The following KAZN variants were observed in gnomAD, a reference collection of about 807,000 sequenced individuals.
KAZN encodes the protein kazrin, periplakin interacting protein.
In KAZN, 40 loss-of-function variants were observed where a neutral mutation model predicts 87.4. The ratio of observed to expected loss-of-function variants is 0.46; its 90% CI spans 0.36 to 0.60. The LOEUF (loss-of-function observed/expected upper bound fraction) is 0.60. KAZN is among the 20% of genes least tolerant of loss of function. The pLI is 0.00. For missense variants in KAZN, 898 were observed against 1,073.9 expected, an observed-to-expected ratio of 0.84 and a Z score of 2.29; for synonymous variants, 466 against 458.3, an observed-to-expected ratio of 1.02 and a Z score of -0.22.
intron 1 of KAZN, among the ~76,000 whole-genome samples, chr1:14,110,468 G>T (rs1434435624): frequency 6.6e-6 from 1 of 152,108 alleles, no homozygotes; most frequent in Non-Finnish European, 1.5e-5. Flanking sequence ...CGCCTGTATG[G>T]GTGTGACCCA....
chr1:14,149,785 A>G (rs911672917), intron 1 of KAZN, among the ~76,000 whole-genome samples: 1 of 152,200 alleles, frequency 6.6e-6, no homozygotes, highest in Non-Finnish European at 1.5e-5. Flanking sequence ...GATTTTTTTA[A>G]AAGCCTAATT....
intron 1 of KAZN, among the ~76,000 whole-genome samples, chr1:14,112,973 G>C (rs1644532328): frequency 6.6e-6 from 1 of 152,198 alleles, no homozygotes; most frequent in African/African-American, 2.4e-5. Context: ...TGCATCCCTG[G>C]CTTTGATGGG....
At chr1:14,411,123 G>T (rs899260676) in intron 2 of KAZN, among the ~76,000 whole-genome samples, 2 of 152,152 alleles carry the variant, frequency 1.3e-5, no homozygotes, top group Non-Finnish European at 2.9e-5. Context: ...AAATACAGAA[G>T]AATGACCTTG....
chr1:14,860,032 G>A (rs1373158903), intron 1 of KAZN, among the ~76,000 whole-genome samples: 1 of 152,076 alleles, frequency 6.6e-6, no homozygotes. Flanking sequence ...GAGCAGGAAG[G>A]ACCCCTGCTC....
chr1:15,025,864 T>A (rs1418380763), intron 2 of KAZN, among the ~76,000 whole-genome samples: 2 of 152,202 alleles, frequency 1.3e-5, no homozygotes, highest in Non-Finnish European at 2.9e-5. Context: ...GGCTCAGGCC[T>A]GTAATCCCAG....
chr1:14,875,272 A>C (rs1652623065), intron 1 of KAZN, among the ~76,000 whole-genome samples: 2 of 145,722 alleles, frequency 1.4e-5, no homozygotes, highest in African/African-American at 5.0e-5. Context: ...CAGAGGTTGC[A>C]GTGGGCCGAG....
At chr1:14,095,540 C>A (rs1461475160) in intron 1 of KAZN, among the ~76,000 whole-genome samples, 1 of 152,142 alleles carries the variant, frequency 6.6e-6, no homozygotes. Flanking sequence ...TCTGGGGATC[C>A]AGGTTGGAAG....
chr1:14,921,695 G>GT (rs56171914), intron 1 of KAZN, among the ~76,000 whole-genome samples: 2 of 152,068 alleles, frequency 1.3e-5, no homozygotes, highest in East Asian at 1.9e-4. Flanking sequence ...GTTTATAGGG[G>GT]TTTTTTTGTT....
At chr1:14,491,471 G>A (rs904237605) in intron 2 of KAZN, among the ~76,000 whole-genome samples, 2 of 152,136 alleles carry the variant, frequency 1.3e-5, no homozygotes, top group African/African-American at 4.8e-5. Context: ...CCCGCCGACA[G>A]GTCCCGGTGT....
At chr1:14,660,875 T>C (rs1033018428) in intron 1 of KAZN, among the ~76,000 whole-genome samples, 3 of 152,142 alleles carry the variant, frequency 2.0e-5, no homozygotes, top group African/African-American at 4.8e-5. Context: ...TTTTTATCCA[T>C]CTGGAAAGCA....
chr1:14,897,351 C>A (rs1483873234), intron 1 of KAZN, among the ~76,000 whole-genome samples: 5 of 152,142 alleles, frequency 3.3e-5, no homozygotes, highest in African/African-American at 1.2e-4. Flanking sequence ...AACTCCTGAA[C>A]CAATCACTGG....
At chr1:14,425,716 C>T (rs1665684203) in intron 2 of KAZN, among the ~76,000 whole-genome samples, 1 of 152,292 alleles carries the variant, frequency 6.6e-6, no homozygotes, top group South Asian at 2.1e-4. Flanking sequence ...GCTGATTGCT[C>T]CACCTGCATT....
chr1:14,064,577 A>G (rs1021841808), intron 1 of KAZN, among the ~76,000 whole-genome samples: 14 of 151,154 alleles, frequency 9.3e-5, no homozygotes, highest in African/African-American at 2.9e-4. Context: ...GCGTTTTTTG[A>G]TGTTTAGCAC....
At position 14,996,826 on chromosome 1, in the gene KAZN, G is replaced by A. The variant is rs145712359; in HGVS notation, c.418+35951G>A. ...GCTCCTGGTGCTCCAGGGCCTGCAT[G>A]TGGGGCACTGGGAGGGAGGGCCGTT... On this transcript the variant is annotated intron_variant, in intron 2 of 14. Transcript: ENST00000376030. This position sits in a 1 kb window ranked among gnomAD's most constrained non-coding sequence, Gnocchi z 5.9. 0.011 allele frequency among the ~76,000 whole-genome samples: 1,676 copies of A among 152,322 alleles called. 29 individuals carry two copies. Among genetic ancestry groups the A allele is most frequent in the African/African-American group, 0.038 (1,569 of 41,570 alleles).
chr1:14,604,511 G>C (rs763959450), intron 1 of KAZN, among the ~76,000 whole-genome samples: 5 of 152,188 alleles, frequency 3.3e-5, no homozygotes, highest in Non-Finnish European at 7.3e-5. Context: ...GAACATTCTT[G>C]CTTGTTTGAT....
chr1:13,955,800 T>A (rs1206754698), intron 1 of KAZN, among the ~76,000 whole-genome samples: 3 of 152,236 alleles, frequency 2.0e-5, no homozygotes, highest in Non-Finnish European at 4.4e-5. Flanking sequence ...ATGACCTTCC[T>A]AACTCCAACC....
intron 2 of KAZN, among the ~76,000 whole-genome samples, chr1:14,462,481 T>C (rs373958386): frequency 6.6e-6 from 1 of 152,224 alleles, no homozygotes; most frequent in African/African-American, 2.4e-5. Context: ...AATATTGTTC[T>C]AGGATTTCAT....
At chr1:13,933,805 A>G (rs1640621350) in intron 1 of KAZN, among the ~76,000 whole-genome samples, 1 of 152,258 alleles carries the variant, frequency 6.6e-6, no homozygotes, top group African/African-American at 2.4e-5. Flanking sequence ...CCTGAGGTTC[A>G]GAAAGGTAGA....
chr1:14,274,207 T>G (rs1652173475), intron 2 of KAZN, among the ~76,000 whole-genome samples: 1 of 152,248 alleles, frequency 6.6e-6, no homozygotes, highest in African/African-American at 2.4e-5. Context: ...AATGGATGTT[T>G]GCACATCTCT....
Sources: allele counts gnomAD v4.1 joint callset (sites outside exome capture counted in the v4.1 genomes callset), GRCh38; gene constraint gnomAD v4.1.1; non-coding constraint Gnocchi (gnomAD v3.1); transcripts MANE v1.5; gene names NCBI Gene and HGNC (gene_info 2026-07-23, HGNC 2026-07-21).